The following PTPN21 variants were observed in gnomAD, a reference collection of about 807,000 sequenced individuals.
The protein encoded by PTPN21 is protein tyrosine phosphatase non-receptor type 21, also known as tyrosine-protein phosphatase non-receptor type 21.
Under a neutral mutation model 131.8 loss-of-function variants are expected in PTPN21, and 77 were observed. The ratio of observed to expected loss-of-function variants is 0.58; its 90% confidence interval spans 0.49 to 0.71. PTPN21 has a LOEUF of 0.71. PTPN21 is among the 30% of genes least tolerant of loss of function. The pLI, the probability that PTPN21 is intolerant of heterozygous loss-of-function variation, is 0.00. For missense variants in PTPN21, 1,552 were observed against 1,527.1 expected (o/e 1.02, Z -0.27); for synonymous variants, 715 against 621.3 (o/e 1.15, Z -2.24).
chr14:88,507,004 G>A (rs1378356145), intron 4 of PTPN21, among the ~76,000 whole-genome samples: 3 of 151,766 alleles, frequency 2.0e-5, no homozygotes, highest in East Asian at 1.9e-4. Context: ...AGCCGAGATC[G>A]TGCCACTGCA....
At position 88,479,831 on chromosome 14, in the gene PTPN21, C is replaced by CCACT; in HGVS notation, c.1599_1600insAGTG (p.Val534SerfsTer166). Reference sequence around the variant, plus strand: ...AGCTCCGGCACGCTGACCGCGCCCACCACGGGCCGCCGCTCGGCAGGGTAG... The same window carrying CCACT: ...AGCTCCGGCACGCTGACCGCGCCCACCACTCACGGGCCGCCGCTCGGCAGGGTAG... On this transcript the variant is annotated frameshift_variant, in exon 13 of 19. Coordinates refer to ENST00000556564, the MANE Select transcript of PTPN21 (RefSeq NM_007039.4). LOFTEE classifies it high-confidence loss of function. 1 of 1,551,058 alleles carries CCACT rather than the reference C, an allele frequency of 6.4e-7. No homozygotes were observed. The highest frequency in any genetic ancestry group is 2.2e-5 in the East Asian group (1 of 44,454).
Position 88,554,891 on chromosome 14 carries a change from G to C in PTPN21, c.-443C>G, listed in dbSNP as rs2078904688. Reference sequence around the variant, plus strand: ...CGAGGCCTGGAGGTGGGACCGGCCGGCGAGGAGCGCCGCACAAAGAAGCCC... The same window carrying C: ...CGAGGCCTGGAGGTGGGACCGGCCGCCGAGGAGCGCCGCACAAAGAAGCCC... On this transcript the variant is annotated 5_prime_UTR_variant, in exon 1 of 19. Coordinates refer to ENST00000556564, the MANE Select transcript of PTPN21 (RefSeq NM_007039.4). Among the ~76,000 whole-genome samples, 1 of 151,650 alleles carries C rather than the reference G, an allele frequency of 6.6e-6. No homozygotes were observed. The highest frequency in any genetic ancestry group is 1.5e-5 in the Non-Finnish European group (1 of 67,862).
rs768069367 is a variant in PTPN21, at chr14:88,504,422, T to C, written c.587+3A>G. ...ATTTCCATGTCTTATTTCTTAGAGT[T>C]ACCTGTATTTCTGATGTAGTAAGGC... is the stretch of plus-strand genomic sequence containing the variant. On this transcript the variant is annotated splice_donor_region_variant and intron_variant, in intron 6 of 18. Transcript: ENST00000556564. The C allele has an allele frequency of 3.8e-6, 6 of 1,581,932 alleles. No individual in the cohort carries two copies. The highest frequency in any genetic ancestry group is 5.2e-6 in the Non-Finnish European group (6 of 1,151,000).
intron 2 of PTPN21, among the ~76,000 whole-genome samples, chr14:88,536,261 C>A (rs1446437433): frequency 6.6e-6 from 1 of 152,176 alleles, no homozygotes; most frequent in Non-Finnish European, 1.5e-5. Context: ...ACAAACATAT[C>A]AGGATAGTTT....
intron 10 of PTPN21, among the ~76,000 whole-genome samples, chr14:88,495,043 GAGTGTC>G (rs150749411): frequency 0.38 from 41,873 of 109,652 alleles, 7,889 homozygotes; most frequent in African/African-American, 0.49. Context: ...AAAAAAAGAA[GAGTGTC>G]AGTGTCAGGA....
chr14:88,500,658 A>T (rs1396832590), intron 8 of PTPN21, 125 bp downstream of exon 8: 6 of 671,048 alleles, frequency 8.9e-6, no homozygotes, highest in Admixed American at 2.5e-5. Flanking sequence ...CTAGGAAGGG[A>T]ATTATTTCCA....
At chr14:88,518,404 ATATATATATATTTTTTTTTTTTTTTTT>A (rs2078329026) in intron 2 of PTPN21, among the ~76,000 whole-genome samples, 5 of 20,824 alleles carry the variant, frequency 2.4e-4, no homozygotes, top group African/African-American at 5.3e-4. Context: ...ATATATATAT[ATATATATATATTTTTTTTTTTTTTTTT>A]TTTTTTTTTT....
chr14:88,486,344 T>A (rs989281350), intron 10 of PTPN21, among the ~76,000 whole-genome samples: 2 of 152,168 alleles, frequency 1.3e-5, no homozygotes, highest in Non-Finnish European at 2.9e-5. Flanking sequence ...TAATTAAAAG[T>A]CTGTTAACCA....
At chr14:88,548,348 G>A (rs1380644648) in intron 2 of PTPN21, among the ~76,000 whole-genome samples, 1 of 152,026 alleles carries the variant, frequency 6.6e-6, no homozygotes, top group Non-Finnish European at 1.5e-5. Flanking sequence ...TTTCCTCCAC[G>A]CACTTCAGGC....
chr14:88,477,432 G>C (rs144666440), intron 13 of PTPN21, among the ~76,000 whole-genome samples: 2,426 of 109,530 alleles, frequency 0.022, 32 homozygotes, highest in Non-Finnish European at 0.031. Context: ...CTGGGCAACA[G>C]GGCAAGACTG....
rs545314877 is a variant in PTPN21, at chr14:88,466,378, T to A, written c.*1759A>T. 6 of 152,306 alleles carry A rather than the reference T, an allele frequency of 3.9e-5. No homozygotes were observed. The South Asian group carries it at 1.2e-3, about 32-fold the overall frequency. 9.4% of individuals were successfully genotyped at this position (152,306 alleles called of 1,614,324 possible). On this transcript the variant is annotated 3_prime_UTR_variant, in exon 19 of 19. Transcript: ENST00000556564. ...GTTTTCCTCTTAGGTGGTTGGTTTC[T>A]GGGTAAGGCAGAGTTAGGCTGGTGC...
At chr14:88,501,088 T>C (rs2078001240) in intron 7 of PTPN21, 193 bp downstream of exon 7, 1 of 662,626 alleles carries the variant, frequency 1.5e-6, no homozygotes, top group Non-Finnish European at 2.7e-6. Context: ...TTCAAGACCA[T>C]TTCAAAGTAT....
intron 1 of PTPN21, chr14:88,551,863 T>G (rs866999933): frequency 6.6e-6 from 1 of 152,250 alleles, no homozygotes; most frequent in South Asian, 2.1e-4. Flanking sequence ...TAACCAGACC[T>G]GTTGATGGTT....
chr14:88,541,570 C>G (rs968535124), intron 2 of PTPN21, among the ~76,000 whole-genome samples: 1 of 152,146 alleles, frequency 6.6e-6, no homozygotes, highest in African/African-American at 2.4e-5. Context: ...GCAGGGAAGA[C>G]AGACATGGAT....
At chr14:88,481,182 T>G (rs1300977535) in intron 12 of PTPN21, among the ~76,000 whole-genome samples, 3 of 152,218 alleles carry the variant, frequency 2.0e-5, no homozygotes, top group Non-Finnish European at 4.4e-5. Context: ...AAAGGCATTC[T>G]TTTTGTGCTT....
At position 88,478,922 on chromosome 14, in the gene PTPN21, C is replaced by A. The variant is rs1398959331; in HGVS notation, c.2509G>T (p.Gly837Trp). 1.3e-6 allele frequency: 2 copies of A among 1,487,490 alleles called. No homozygotes were observed. Among genetic ancestry groups the A allele is most frequent in the Non-Finnish European group, 1.8e-6 (2 of 1,119,828 alleles). The allele number at this position is 1,487,490 out of a possible 1,614,324, so 92.1% of individuals were successfully genotyped here. A position where few individuals can be genotyped will look rare whatever the true frequency, so the allele number is the denominator to read the frequency against. Residue 837 changes from glycine to tryptophan, a missense_variant and splice_region_variant, in exon 13 of 19, where the codon GGG becomes TGG. Coordinates refer to ENST00000556564, the MANE Select transcript of PTPN21 (RefSeq NM_007039.4). ...KNIVEGLPPL[G>W]GMKKTRVDAK... The stretch of plus-strand genomic sequence containing the variant: ...GCACTGCTCGCCGCGTGGCTTACCC[C>A]TAGAGGCGGGAGCCCTTCCACGATG...
At chr14:88,539,331 C>G (rs2033418) in intron 2 of PTPN21, among the ~76,000 whole-genome samples, 80,952 of 150,808 alleles carry the variant, frequency 0.54, 24,393 homozygotes, top group Middle Eastern at 0.71. Flanking sequence ...CTCAATGTAA[C>G]CTCCACCTCT....
intron 2 of PTPN21, among the ~76,000 whole-genome samples, chr14:88,541,661 G>C (rs1225222690): frequency 2.6e-5 from 4 of 152,132 alleles, no homozygotes; most frequent in Non-Finnish European, 5.9e-5. Flanking sequence ...TTCCTTAATA[G>C]TAAGTTGTCC....
At chr14:88,510,154 C>T (rs969916314) in intron 3 of PTPN21, among the ~76,000 whole-genome samples, 8 of 152,026 alleles carry the variant, frequency 5.3e-5, no homozygotes, top group African/African-American at 1.9e-4. Flanking sequence ...TCCATATTTG[C>T]TCTAACTTAT....
Sources: gnomAD v4.1 joint callset for allele counts (sites outside exome capture counted in the v4.1 genomes callset) on GRCh38, gnomAD v4.1.1 for gene constraint, MANE v1.5 for transcripts, NCBI Gene and HGNC (gene_info 2026-07-23, HGNC 2026-07-21) for gene names.